EEFSEC: variants seen among roughly 807,000 people sequenced by gnomAD.
The protein encoded by EEFSEC is eukaryotic elongation factor, selenocysteine-tRNA specific.
A neutral mutation model predicts 42.1 loss-of-function variants in EEFSEC; 43 were observed. The observed-to-expected ratio is 1.02, with a 90% confidence interval of 0.80 to 1.32. The LOEUF (loss-of-function observed/expected upper bound fraction) is 1.32. Ranked by LOEUF, EEFSEC falls within the 40% of genes most tolerant of loss-of-function variation. EEFSEC has a pLI of 0.00. For missense variants in EEFSEC, 745 were observed against 803.6 expected (o/e 0.93, Z 0.88); for synonymous variants, 354 against 339.1 (o/e 1.04, Z -0.48).
At chr3:128,198,426 A>ACC (rs1279516016) in intron 1 of EEFSEC, among the ~76,000 whole-genome samples, 1 of 152,158 alleles carries the variant, frequency 6.6e-6, no homozygotes, top group Non-Finnish European at 1.5e-5. Flanking sequence ...AAGGATCTTC[A>ACC]CCCCAACCCC....
intron 6 of EEFSEC, among the ~76,000 whole-genome samples, chr3:128,385,510 TTG>T (rs970399072): frequency 3.3e-5 from 5 of 152,214 alleles, no homozygotes; most frequent in African/African-American, 1.2e-4. Context: ...AGGCAGCAGA[TTG>T]TGAGTGCGGC....
intron 4 of EEFSEC, among the ~76,000 whole-genome samples, chr3:128,338,741 C>G (rs1248884633): frequency 6.6e-6 from 1 of 152,138 alleles, no homozygotes; most frequent in Non-Finnish European, 1.5e-5. Context: ...GGTGGCTGAG[C>G]TAAGGAGTGG....
At chr3:128,163,534 TA>T (rs1176720955) in intron 1 of EEFSEC, among the ~76,000 whole-genome samples, 1 of 152,098 alleles carries the variant, frequency 6.6e-6, no homozygotes, top group Non-Finnish European at 1.5e-5. Flanking sequence ...TTATGGTATG[TA>T]AATTACATAC....
intron 1 of EEFSEC, among the ~76,000 whole-genome samples, chr3:128,228,766 C>T (rs1328644710): frequency 6.6e-6 from 1 of 152,088 alleles, no homozygotes; most frequent in Non-Finnish European, 1.5e-5. Context: ...TGATCATCTG[C>T]AAAATGGGGG....
At chr3:128,209,240 G>A (rs902378242) in intron 1 of EEFSEC, among the ~76,000 whole-genome samples, 8 of 152,146 alleles carry the variant, frequency 5.3e-5, no homozygotes, top group African/African-American at 1.7e-4. Flanking sequence ...TCGGTGTATC[G>A]TGAATCTTAA....
At chr3:128,404,160 A>C (rs1345915686) in intron 6 of EEFSEC, among the ~76,000 whole-genome samples, 2 of 152,232 alleles carry the variant, frequency 1.3e-5, no homozygotes, top group African/African-American at 2.4e-5. Flanking sequence ...AAAGGAAAAA[A>C]AAGGCCACTG....
chr3:128,413,476 T>G (rs2068188441), downstream of EEFSEC, among the ~76,000 whole-genome samples: 1 of 152,102 alleles, frequency 6.6e-6, no homozygotes, highest in African/African-American at 2.4e-5. Flanking sequence ...CAGTGTGGCC[T>G]GCGGCCCCCT....
At chr3:128,328,539 C>G (rs1445618024) in intron 4 of EEFSEC, among the ~76,000 whole-genome samples, 1 of 152,188 alleles carries the variant, frequency 6.6e-6, no homozygotes, top group African/African-American at 2.4e-5. Context: ...TCATAAAGCT[C>G]TTGTAGTTTC....
At chr3:128,260,944 C>T (rs1293408222) in intron 2 of EEFSEC, among the ~76,000 whole-genome samples, 1 of 141,672 alleles carries the variant, frequency 7.1e-6, no homozygotes, top group Non-Finnish European at 1.5e-5. Flanking sequence ...GTGTACCCCA[C>T]GAATTCATCC....
At chr3:128,241,201 C>CTCT (rs761624698) in intron 1 of EEFSEC, among the ~76,000 whole-genome samples, 33 of 80,668 alleles carry the variant, frequency 4.1e-4, no homozygotes, top group East Asian at 1.7e-3. Flanking sequence ...CTCTCTCTCT[C>CTCT]TTTTTTTTTT....
chr3:128,349,323 A>G (rs749158312), intron 5 of EEFSEC, among the ~76,000 whole-genome samples: 5 of 152,094 alleles, frequency 3.3e-5, no homozygotes, highest in Non-Finnish European at 5.9e-5. Context: ...CAGGCAGCCT[A>G]GAGAGGGGAG....
chr3:128,196,293 A>G (rs1443291882), intron 1 of EEFSEC, among the ~76,000 whole-genome samples: 1 of 152,262 alleles, frequency 6.6e-6, no homozygotes, highest in Non-Finnish European at 1.5e-5. Context: ...TTCCTTGCTC[A>G]AGATTTGGCA....
chr3:128,373,715 G>A (rs2067679414), intron 6 of EEFSEC, among the ~76,000 whole-genome samples: 1 of 152,192 alleles, frequency 6.6e-6, no homozygotes, highest in African/African-American at 2.4e-5. Flanking sequence ...GCCCTTCCCA[G>A]CAGGGCTCTA....
At chr3:128,253,074 T>G (rs1431922552) in intron 2 of EEFSEC, among the ~76,000 whole-genome samples, 1 of 152,240 alleles carries the variant, frequency 6.6e-6, no homozygotes, top group Non-Finnish European at 1.5e-5. Context: ...TTCAGCGTGT[T>G]GGGAAGGCTA....
chr3:128,424,232 C>T, the EEFSEC span, among the ~76,000 whole-genome samples: 1 of 152,218 alleles, frequency 6.6e-6, no homozygotes, highest in East Asian at 1.9e-4. Context: ...CCCCAAGCCT[C>T]AGTCTGCTCT....
intron 6 of EEFSEC, among the ~76,000 whole-genome samples, chr3:128,364,250 C>T (rs1340105212): frequency 1.3e-5 from 2 of 152,178 alleles, no homozygotes; most frequent in Non-Finnish European, 2.9e-5. Context: ...AGTCCTGTCC[C>T]AAGGTGCTTT....
At chr3:128,206,163 G>A (rs1281633252) in intron 1 of EEFSEC, among the ~76,000 whole-genome samples, 1 of 152,164 alleles carries the variant, frequency 6.6e-6, no homozygotes, top group Non-Finnish European at 1.5e-5. Flanking sequence ...TGTGGAGCAG[G>A]ATTGTGTGAG....
chr3:128,318,939 C>T (rs75194776), intron 4 of EEFSEC, among the ~76,000 whole-genome samples: 4,090 of 152,294 alleles, frequency 0.027, 97 homozygotes, highest in Non-Finnish European at 0.046. Context: ...ACCATGAAGA[C>T]TCAGAGGCCC....
At chr3:128,268,926 T>A (rs933136006) in intron 4 of EEFSEC, among the ~76,000 whole-genome samples, 5 of 152,212 alleles carry the variant, frequency 3.3e-5, no homozygotes, top group Non-Finnish European at 7.3e-5. Flanking sequence ...AAGAAACTTA[T>A]GAATTTTGCA....
Sources: gnomAD v4.1 joint callset for allele counts (sites outside exome capture counted in the v4.1 genomes callset) on GRCh38, gnomAD v4.1.1 for gene constraint, MANE v1.5 for transcripts, NCBI Gene and HGNC (gene_info 2026-07-23, HGNC 2026-07-21) for gene names.